LRRIQ3: variants seen among roughly 807,000 people sequenced by gnomAD.
LRRIQ3 encodes leucine rich repeats and IQ motif containing 3.
A neutral mutation model predicts 59.3 loss-of-function variants in LRRIQ3; 75 were observed. The ratio of observed to expected loss-of-function variants is 1.26; its 90% CI spans 1.05 to 1.53. The LOEUF is 1.53. Ranked by LOEUF, LRRIQ3 falls within the 40% of genes most tolerant of loss-of-function variation. The pLI is 0.00. For synonymous variants in LRRIQ3, 250 were observed against 231.3 expected, an observed-to-expected ratio of 1.08 and a Z score of -0.73; for missense variants, 831 against 710.0, an observed-to-expected ratio of 1.17 and a Z score of -1.94.
intron 6 of LRRIQ3, chr1:74,050,648 G>A (rs1654343425): frequency 1.1e-6 from 1 of 899,590 alleles, no homozygotes; most frequent in Non-Finnish European, 1.3e-6. Context: ...TGGGTCTGAA[G>A]CAGTTGCTTT....
chr1:74,167,582 T>C (rs1191423370), intron 3 of LRRIQ3, among the ~76,000 whole-genome samples: 1 of 151,652 alleles, frequency 6.6e-6, no homozygotes, highest in Non-Finnish European at 1.5e-5. Flanking sequence ...TAAAGAATGA[T>C]ACAATGGACT....
rs778174028 is a variant in LRRIQ3 at position 74,183,608 on chromosome 1, C to A, written c.77G>T (p.Gly26Val). 6.2e-7 allele frequency: 1 copy of A among 1,611,956 alleles called. No individual in the cohort carries two copies. Among genetic ancestry groups the A allele is most frequent in the Non-Finnish European group, 8.5e-7 (1 of 1,178,720 alleles). The change falls in exon 2 of 8, where the codon GGT becomes GTT. Residue 26 changes from glycine (G) to valine (V), a missense_variant. Gly to Val is a moderately radical substitution (Grantham distance 109). Transcript: ENST00000354431. ...WSHYNENIRE[G>V]QKDFVFVKFN... is the part of the protein sequence containing the mutation. ...CTTCACAAAAACAAAATCTTTTTGA[C>A]CTTCTCTTATGTTTTCATTATAGTG...
At position 74,051,266 on chromosome 1, in the gene LRRIQ3, C is replaced by G. The variant is rs553370474; in HGVS notation, c.998-9333G>C. On this transcript the variant is annotated intron_variant, in intron 6 of 7. Transcript: ENST00000354431. The stretch of plus-strand genomic sequence containing the variant: ...TAAAACATTAAAGCAGGAAAACACA[C>G]TAAAACATGAATTTATAAGTACCGT... Among the ~76,000 whole-genome samples, 6 of 152,224 alleles carry G rather than the reference C, an allele frequency of 3.9e-5. No individual in the cohort carries two copies. In the East Asian group the frequency reaches 9.7e-4, roughly 25 times the overall value.
At chr1:74,084,120 A>G in intron 5 of LRRIQ3, 1 of 1,523,264 alleles carries the variant, frequency 6.6e-7, no homozygotes, top group Non-Finnish European at 8.8e-7. Context: ...CCTGTTGTCC[A>G]ATGAATGATG....
intron 3 of LRRIQ3, among the ~76,000 whole-genome samples, chr1:74,167,706 A>T (rs1314885911): frequency 6.6e-6 from 1 of 151,814 alleles, no homozygotes; most frequent in East Asian, 1.9e-4. Context: ...AGAAATCACC[A>T]CTAAAGAACT....
At chr1:74,034,622 C>T (rs1003784519) in intron 7 of LRRIQ3, among the ~76,000 whole-genome samples, 1 of 111,382 alleles carries the variant, frequency 9.0e-6, no homozygotes, top group Admixed American at 1.1e-4. Flanking sequence ...GAAATATTTC[C>T]AAAGCACACA....
chr1:74,055,502 C>T (rs544455807), intron 6 of LRRIQ3, among the ~76,000 whole-genome samples: 1 of 152,022 alleles, frequency 6.6e-6, no homozygotes, highest in Non-Finnish European at 1.5e-5. Context: ...AAGAATCATC[C>T]ATGTTGTAAC....
intron 4 of LRRIQ3, among the ~76,000 whole-genome samples, chr1:74,127,975 T>C (rs924212897): frequency 6.6e-6 from 1 of 152,038 alleles, no homozygotes; most frequent in East Asian, 1.9e-4. Flanking sequence ...ATGAAGGATA[T>C]TTTTACTGGA....
intron 4 of LRRIQ3, among the ~76,000 whole-genome samples, chr1:74,146,111 A>C (rs1260331005): frequency 6.6e-6 from 1 of 152,096 alleles, no homozygotes; most frequent in Non-Finnish European, 1.5e-5. Flanking sequence ...TATACCACCT[A>C]AGTTTGTCTA....
chr1:74,169,200 C>G (rs1001401174), intron 3 of LRRIQ3, among the ~76,000 whole-genome samples: 19 of 152,144 alleles, frequency 1.2e-4, no homozygotes, highest in African/African-American at 4.3e-4. Flanking sequence ...TGACCTGTTT[C>G]ACCTTGCAGA....
chr1:74,035,784 A>G (rs1653849981), intron 7 of LRRIQ3, among the ~76,000 whole-genome samples: 1 of 152,054 alleles, frequency 6.6e-6, no homozygotes, highest in African/African-American at 2.4e-5. Context: ...ACTACTCTTC[A>G]TAAACTTTCT....
intron 4 of LRRIQ3, chr1:74,138,297 G>T: frequency 6.2e-6 from 1 of 161,048 alleles, no homozygotes; most frequent in Non-Finnish European, 1.3e-5. Flanking sequence ...TTTTAAAGAC[G>T]ATCATGTTTA....
At chr1:74,051,837 T>C (rs1041030818) in intron 6 of LRRIQ3, among the ~76,000 whole-genome samples, 1 of 152,170 alleles carries the variant, frequency 6.6e-6, no homozygotes, top group Non-Finnish European at 1.5e-5. Flanking sequence ...TTGCCTTTTA[T>C]ACAGTTTGCC....
At chr1:74,044,456 A>G (rs549563004) in intron 6 of LRRIQ3, among the ~76,000 whole-genome samples, 1 of 151,986 alleles carries the variant, frequency 6.6e-6, no homozygotes, top group East Asian at 1.9e-4. Flanking sequence ...CTCCCACATC[A>G]CCTTCTGCCA....
rs184443088 is a variant in LRRIQ3 at position 74,082,179 on chromosome 1, G to T, written c.868-7389C>A. On this transcript the variant is annotated intron_variant, in intron 5 of 7. Transcript: ENST00000354431. ...TTTTCAAAATATTTCATAATTTACT[G>T]ATTATTTCCCTATGTAGATGTGAAA... is the stretch of plus-strand genomic sequence containing the variant. 1.7e-3 allele frequency: 255 copies of T among 151,470 alleles called. 6 individuals carry two copies. The highest frequency in any genetic ancestry group is 0.017 in the Admixed American group (252 of 15,144). The allele number at this position is 151,470 out of a possible 1,614,324, so 9.4% of individuals were successfully genotyped here. A position where few individuals can be genotyped will look rare whatever the true frequency, so the allele number is the denominator to read the frequency against.
At chr1:74,139,439 C>T (rs1647192355) in intron 4 of LRRIQ3, among the ~76,000 whole-genome samples, 1 of 151,778 alleles carries the variant, frequency 6.6e-6, no homozygotes, top group South Asian at 2.1e-4. Context: ...AACCACTACC[C>T]ATTTGCTCAC....
chr1:74,047,418 A>G (rs1654237369), intron 6 of LRRIQ3, among the ~76,000 whole-genome samples: 2 of 152,116 alleles, frequency 1.3e-5, no homozygotes, highest in Non-Finnish European at 2.9e-5. Context: ...CAGGGAGAGG[A>G]ACATCACATA....
At chr1:74,105,255 G>A (rs201256295) in intron 5 of LRRIQ3, among the ~76,000 whole-genome samples, 1,950 of 14,392 alleles carry the variant, frequency 0.14, 36 homozygotes, top group African/African-American at 0.16. Flanking sequence ...GTGTGTGTGT[G>A]TATTTTTTTT....
intron 6 of LRRIQ3, among the ~76,000 whole-genome samples, chr1:74,059,788 G>C (rs1241848954): frequency 6.6e-6 from 1 of 151,998 alleles, no homozygotes; most frequent in African/African-American, 2.4e-5. Flanking sequence ...GCTTTCAGTA[G>C]TAATATCATC....
Sources: allele counts gnomAD v4.1 joint callset (sites outside exome capture counted in the v4.1 genomes callset), GRCh38; gene constraint gnomAD v4.1.1; transcripts MANE v1.5; gene names NCBI Gene and HGNC (gene_info 2026-07-23, HGNC 2026-07-21).